Variants in ITGB3 observed in about 807,000 individuals in gnomAD.
The protein encoded by ITGB3 is integrin beta-3.
In ITGB3, 48 loss-of-function variants were observed where a neutral mutation model predicts 85.8. The observed-to-expected ratio is 0.56, with a 90% CI of 0.44 to 0.71. ITGB3 has a LOEUF of 0.71. Among genes scored for constraint, ITGB3 ranks in the 30% least tolerant of loss-of-function variants. The probability of loss-of-function intolerance (pLI) is 0.00; values close to 1 mark genes in which losing one functional copy is unlikely to be tolerated. For synonymous variants in ITGB3, 363 were observed against 395.6 expected (o/e 0.92, Z 0.98); for missense variants, 861 against 1,019.1 (o/e 0.84, Z 2.11).
chr17:47,283,756 T>C (rs13306486), intron 3 of ITGB3, among the ~76,000 whole-genome samples: 1 of 152,228 alleles, frequency 6.6e-6, no homozygotes, highest in Non-Finnish European at 1.5e-5. Context: ...GAATCTTTAC[T>C]GTATCATATA....
intron 13 of ITGB3, among the ~76,000 whole-genome samples, 159 bp from the exon 14 acceptor site, chr17:47,307,312 C>G (rs1022264362): frequency 1.3e-5 from 2 of 152,202 alleles, no homozygotes; most frequent in Admixed American, 1.3e-4. Flanking sequence ...CAGATTATTG[C>G]TGTCCTAATG....
chr17:47,255,835 A>G (rs2064987562), intron 1 of ITGB3, among the ~76,000 whole-genome samples: 1 of 152,212 alleles, frequency 6.6e-6, no homozygotes, highest in Admixed American at 6.5e-5. Context: ...GTTAGCGTGC[A>G]GTGAGCAGTC....
At chr17:47,289,999 G>A (rs2065118915) in intron 7 of ITGB3, among the ~76,000 whole-genome samples, 186 bp from the exon 8 acceptor site, 1 of 152,174 alleles carries the variant, frequency 6.6e-6, no homozygotes, top group Non-Finnish European at 1.5e-5. Context: ...TGAGGGGTGT[G>A]AGAGGTTTCC....
Position 47,307,595 on chromosome 17 carries a change from C to G in ITGB3, c.2259C>G (p.Phe753Leu). 1.9e-6 allele frequency: 3 copies of G among 1,614,150 alleles called. No individual in the cohort carries two copies. Among genetic ancestry groups the G allele is most frequent in the Non-Finnish European group, 1.7e-6 (2 of 1,180,034 alleles). ...LLITIHDRKE[F>L]AKFEEERARA... ...TCACCATCCACGACCGAAAAGAATT[C>G]GCTAAATTTGAGGAAGAACGCGCCA... Residue 753 changes from phenylalanine (F) to leucine (L), a missense_variant, in exon 14 of 15, where the codon TTC becomes TTG. Transcript: ENST00000559488.
At chr17:47,279,791 C>G (rs990088684) in intron 2 of ITGB3, 1 of 152,400 alleles carries the variant, frequency 6.6e-6, no homozygotes, top group East Asian at 1.9e-4. Flanking sequence ...GGATCCGCTC[C>G]TCACTGCATT....
chr17:47,289,948 C>T (rs2065118770), intron 7 of ITGB3, among the ~76,000 whole-genome samples, 172 bp downstream of exon 7: 1 of 152,134 alleles, frequency 6.6e-6, no homozygotes, highest in Non-Finnish European at 1.5e-5. Context: ...CTTGAACTTA[C>T]TAGGTATGTG....
intron 9 of ITGB3, chr17:47,291,447 T>C: frequency 2.1e-6 from 1 of 476,056 alleles, no homozygotes; most frequent in Non-Finnish European, 3.7e-6. Flanking sequence ...ACCTTTCTTT[T>C]GTAAAACGAC....
chr17:47,272,439 A>G (rs1185693574), intron 1 of ITGB3, among the ~76,000 whole-genome samples: 2 of 151,954 alleles, frequency 1.3e-5, no homozygotes, highest in African/African-American at 2.4e-5. Flanking sequence ...ACTATTGCCC[A>G]GGGTTGGAGT....
Position 47,299,629 on chromosome 17 carries a change from A to C in ITGB3, c.1913+99A>C, listed in dbSNP as rs2065158789. 8.8e-7 allele frequency: 1 copy of C among 1,132,082 alleles called. No homozygotes were observed. Among genetic ancestry groups the C allele is most frequent in the Non-Finnish European group, 1.3e-6 (1 of 768,172 alleles). 70.1% of individuals were successfully genotyped at this position (1,132,082 alleles called of 1,614,324 possible). On this transcript the variant is annotated intron_variant, in intron 11 of 14. Coordinates refer to ENST00000559488, the MANE Select transcript of ITGB3 (RefSeq NM_000212.3). This position sits in a 1 kb window ranked among gnomAD's most constrained non-coding sequence, Gnocchi z 5.1. ...TCCAGGTGTGTTTCTTGCTCACCAG[A>C]GCCTTAGGGAGAGGAGTCCACTCCA...
chr17:47,271,794 G>A (rs141480826), intron 1 of ITGB3, among the ~76,000 whole-genome samples: 1,908 of 152,220 alleles, frequency 0.013, 20 homozygotes, highest in Non-Finnish European at 0.019. Context: ...TTGCCCAGGT[G>A]GAGTGCAGTG....
chr17:47,309,241 C>T (rs1226023326), intron 14 of ITGB3, among the ~76,000 whole-genome samples: 1 of 151,634 alleles, frequency 6.6e-6, no homozygotes, highest in East Asian at 1.9e-4. Context: ...CTTGTAGAGA[C>T]AGGGTCTCAC....
In ITGB3 at chr17:47,253,879, G is replaced by T. The variant is rs951459139; in HGVS notation, c.18G>T (p.Arg6=). 2 of 1,269,108 alleles carry T rather than the reference G, an allele frequency of 1.6e-6. No homozygotes were observed. Among genetic ancestry groups the T allele is most frequent in the African/African-American group, 3.1e-5 (2 of 64,634 alleles). 78.6% of individuals were successfully genotyped at this position (1,269,108 alleles called of 1,614,324 possible). MRARP[R]PRPLWATVLA... ...CGGACGAGATGCGAGCGCGGCCGCG[G>T]CCCCGGCCGCTCTGGGCGACTGTGC... Residue 6 remains arginine (R), a synonymous_variant, in exon 1 of 15, where the codon CGG becomes CGT. Transcript: ENST00000559488.
chr17:47,296,907 C>A (rs115503760), intron 10 of ITGB3, among the ~76,000 whole-genome samples: 276 of 152,304 alleles, frequency 1.8e-3, no homozygotes, highest in African/African-American at 6.3e-3. Flanking sequence ...GAGGACAGGG[C>A]ATGGAAATAT....
At chr17:47,287,287 A>C (rs1296464299) in intron 6 of ITGB3, 56 bp downstream of exon 6, 35 of 1,592,988 alleles carry the variant, frequency 2.2e-5, no homozygotes, top group Non-Finnish European at 3.0e-5. Flanking sequence ...GGTTGCCCTA[A>C]TCTAGGCAGA....
intron 2 of ITGB3, chr17:47,279,945 A>G (rs904202662): frequency 6.6e-6 from 1 of 152,232 alleles, no homozygotes; most frequent in Non-Finnish European, 1.5e-5. Context: ...GGCAGGGACA[A>G]CAGGAGGAGT....
rs2065172027 is a variant in ITGB3, at chr17:47,302,740, A to G, written c.2034A>G (p.Ala678=). 1.2e-6 allele frequency: 2 copies of G among 1,614,122 alleles called. No individual in the cohort carries two copies. Among genetic ancestry groups the G allele is most frequent in the Non-Finnish European group, 1.7e-6 (2 of 1,179,972 alleles). Residue 678 remains alanine (A), a synonymous_variant, in exon 13 of 15, where the codon GCA becomes GCG. Coordinates refer to ENST00000559488, the MANE Select transcript of ITGB3 (RefSeq NM_000212.3). ...TCCCAGAGGACACTGGCAAGGATGC[A>G]GTGAATTGTACCTATAAGAATGAGG... ...VKELKDTGKD[A]VNCTYKNEDD...
chr17:47,265,414 C>CT (rs2065021819), intron 1 of ITGB3, among the ~76,000 whole-genome samples: 1 of 152,172 alleles, frequency 6.6e-6, no homozygotes, highest in Non-Finnish European at 1.5e-5. Flanking sequence ...CTCTGAGACT[C>CT]TGGGTAGAAT....
intron 9 of ITGB3, 27 bp from the exon 10 acceptor site, chr17:47,292,112 C>T (rs755240666): frequency 6.2e-7 from 1 of 1,613,016 alleles, no homozygotes; most frequent in Non-Finnish European, 8.5e-7. Context: ...CCAACTGTGT[C>T]TAAATACAAT....
intron 1 of ITGB3, among the ~76,000 whole-genome samples, chr17:47,256,473 ACCCCCC>A (rs5820648): frequency 7.5e-6 from 1 of 132,832 alleles, no homozygotes; most frequent in Admixed American, 7.7e-5. Context: ...CCAGAGTAAT[ACCCCCC>A]CCCCCAACCT....
Sources: gnomAD v4.1 joint callset for allele counts (sites outside exome capture counted in the v4.1 genomes callset) on GRCh38, gnomAD v4.1.1 for gene constraint, Gnocchi (gnomAD v3.1) non-coding constraint, MANE v1.5 for transcripts, NCBI Gene and HGNC (gene_info 2026-07-23, HGNC 2026-07-21) for gene names.